DNAAF11: variants seen among roughly 807,000 people sequenced by gnomAD.
DNAAF11 encodes the protein dynein axonemal assembly factor 11.
Under a neutral mutation model 60.8 loss-of-function variants are expected in DNAAF11, and 45 were observed. The observed-to-expected ratio is 0.74, with a 90% CI of 0.58 to 0.95. The LOEUF is 0.95. Ranked by LOEUF, DNAAF11 falls within the 40% of genes least tolerant of loss-of-function variation. DNAAF11 has a pLI of 0.00. For missense variants in DNAAF11, 546 were observed against 546.2 expected (o/e 1.00, Z 0.00); for synonymous variants, 191 against 183.5 (o/e 1.04, Z -0.33).
At chr8:132,686,994 A>C in the DNAAF11 span, among the ~76,000 whole-genome samples, 1 of 152,148 alleles carries the variant, frequency 6.6e-6, no homozygotes, top group East Asian at 1.9e-4. Context: ...ATGACAGAAA[A>C]CTTTGCTTTT....
chr8:132,643,976 A>G (rs939157499), intron 3 of DNAAF11, among the ~76,000 whole-genome samples: 2 of 152,226 alleles, frequency 1.3e-5, no homozygotes, highest in African/African-American at 4.8e-5. Flanking sequence ...TATATATTCT[A>G]GATTTTACTA....
chr8:132,595,773 G>A (rs1269955506), intron 10 of DNAAF11, among the ~76,000 whole-genome samples: 2 of 152,002 alleles, frequency 1.3e-5, no homozygotes, highest in African/African-American at 2.4e-5. Context: ...AACTATAAAC[G>A]AAAAAGTAAA....
chr8:132,626,265 A>T (rs1820274245), intron 5 of DNAAF11, among the ~76,000 whole-genome samples: 2 of 151,974 alleles, frequency 1.3e-5, no homozygotes, highest in African/African-American at 4.8e-5. Context: ...GTTAGCCAGG[A>T]TGGTCTCAAT....
chr8:132,684,763 C>T, the DNAAF11 span, among the ~76,000 whole-genome samples: 2 of 152,226 alleles, frequency 1.3e-5, no homozygotes, highest in Admixed American at 1.3e-4. Context: ...CATGTGAGCT[C>T]CCCAGTATTC....
intron 10 of DNAAF11, among the ~76,000 whole-genome samples, chr8:132,603,010 C>T (rs1363911672): frequency 6.6e-6 from 1 of 152,084 alleles, no homozygotes; most frequent in African/African-American, 2.4e-5. Flanking sequence ...CAGAATCACA[C>T]CCCAAAGTGA....
At chr8:132,644,436 TG>T (rs1822159082) in intron 3 of DNAAF11, among the ~76,000 whole-genome samples, 1 of 151,962 alleles carries the variant, frequency 6.6e-6, no homozygotes, top group African/African-American at 2.4e-5. Context: ...AGAAGACAGG[TG>T]ATTTCTGCAT....
intron 1 of DNAAF11, among the ~76,000 whole-genome samples, chr8:132,668,297 C>T (rs1005943594): frequency 1.7e-4 from 26 of 152,154 alleles, no homozygotes; most frequent in African/African-American, 5.6e-4. Flanking sequence ...TCTTTAGGGA[C>T]GACTTACTGG....
chr8:132,609,851 AG>A (rs1201964378), intron 10 of DNAAF11, among the ~76,000 whole-genome samples: 2 of 152,216 alleles, frequency 1.3e-5, no homozygotes, highest in Non-Finnish European at 2.9e-5. Flanking sequence ...AGCTTACAGC[AG>A]GAAATATCCC....
At chr8:132,639,677 C>T (rs1427713466) in intron 3 of DNAAF11, among the ~76,000 whole-genome samples, 2 of 152,090 alleles carry the variant, frequency 1.3e-5, no homozygotes, top group Non-Finnish European at 2.9e-5. Context: ...CAGAATTCCA[C>T]GTTTTCCTCT....
intron 3 of DNAAF11, among the ~76,000 whole-genome samples, chr8:132,648,800 C>A (rs1822683313): frequency 6.6e-6 from 1 of 152,130 alleles, no homozygotes; most frequent in Non-Finnish European, 1.5e-5. Flanking sequence ...ATCCAACTTA[C>A]AAGGGATGTG....
Position 132,625,410 on chromosome 8 carries a change from T to G in DNAAF11, c.698A>C (p.Glu233Ala), listed in dbSNP as rs775429174. Residue 233 changes from glutamate (E) to alanine (A), a missense_variant, in exon 6 of 12, where the codon GAG becomes GCG. Glu to Ala is a moderately radical substitution (Grantham distance 107). Transcript: ENST00000620350. The stretch of plus-strand genomic sequence containing the variant: ...GTCTAATTTCTTTGTGTTGTGTTCC[T>G]CTGTGTCTGGTGCCTGTAGGTGGTC... ...SKDHLQAPDT[E>A]EHNTKKLDNS... The G allele has an allele frequency of 2.5e-6, 4 of 1,613,272 alleles. No individual in the cohort carries two copies. In the African/African-American group the frequency reaches 5.3e-5, roughly 22 times the overall value.
At chr8:132,702,806 A>G in the DNAAF11 span, among the ~76,000 whole-genome samples, 1 of 152,214 alleles carries the variant, frequency 6.6e-6, no homozygotes, top group Non-Finnish European at 1.5e-5. Flanking sequence ...ATCACAGTCT[A>G]GTCCCAGGTC....
chr8:132,661,892 T>C (rs73356845), intron 1 of DNAAF11, among the ~76,000 whole-genome samples: 1,989 of 152,242 alleles, frequency 0.013, 48 homozygotes, highest in African/African-American at 0.046. Context: ...CATTTTGCTG[T>C]ATGGATGGAG....
intron 10 of DNAAF11, among the ~76,000 whole-genome samples, chr8:132,587,398 CATA>C (rs1380145797): frequency 2.6e-5 from 4 of 152,116 alleles, no homozygotes; most frequent in Admixed American, 6.5e-5. Context: ...TGCCAACATT[CATA>C]ATAACACTGA....
upstream of DNAAF11, chr8:132,675,640 A>G: frequency 1.4e-6 from 1 of 738,892 alleles, no homozygotes; most frequent in Non-Finnish European, 2.1e-6. Flanking sequence ...CGGGACCAAA[A>G]CAAGCCGCGT....
chr8:132,685,020 T>TTTAA, the DNAAF11 span: 1 of 92,572 alleles, frequency 1.1e-5, no homozygotes, highest in Non-Finnish European at 2.0e-5. Context: ...GTTCAGAGTT[T>TTTAA]TTACTTAGTT....
chr8:132,578,513 A>G, intron 11 of DNAAF11: 1 of 1,519,534 alleles, frequency 6.6e-7, no homozygotes, highest in Middle Eastern at 1.7e-4. Flanking sequence ...ATCCAGTAGA[A>G]TAGCTGGAAG....
chr8:132,664,902 T>G (rs75221274), intron 1 of DNAAF11, among the ~76,000 whole-genome samples: 2,231 of 152,266 alleles, frequency 0.015, 67 homozygotes, highest in African/African-American at 0.05. Context: ...AGAATTAAGA[T>G]GAGAAAAATC....
intron 7 of DNAAF11, 105 bp downstream of exon 7, chr8:132,622,506 G>A (rs1273202963): frequency 5.1e-6 from 4 of 787,868 alleles, no homozygotes; most frequent in Non-Finnish European, 8.4e-6. Flanking sequence ...GTTAAGAGCA[G>A]TCAGAAATAT....
Sources: allele counts gnomAD v4.1 joint callset (sites outside exome capture counted in the v4.1 genomes callset), GRCh38; gene constraint gnomAD v4.1.1; transcripts MANE v1.5; gene names NCBI Gene and HGNC (gene_info 2026-07-23, HGNC 2026-07-21).